Variants in PCDH11X observed in about 807,000 individuals in gnomAD.
PCDH11X encodes the protein protocadherin-11 X-linked.
In PCDH11X, 18 loss-of-function variants were observed where a neutral mutation model predicts 53.3. The ratio of observed to expected loss-of-function variants is 0.34; its 90% CI spans 0.23 to 0.50. The LOEUF (loss-of-function observed/expected upper bound fraction) is 0.50. Among genes scored for constraint, PCDH11X ranks in the 20% least tolerant of loss-of-function variants. PCDH11X has a pLI of 0.98. For synonymous variants in PCDH11X, 279 were observed against 393.3 expected (o/e 0.71, Z 3.44); for missense variants, 570 against 1,032.4 (o/e 0.55, Z 6.14).
intron 10 of PCDH11X, among the ~76,000 whole-genome samples, chrX:92,530,986 A>AT (rs2074543835): frequency 9.1e-6 from 1 of 109,387 alleles, no homozygotes; most frequent in Non-Finnish European, 1.9e-5. Context: ...AAAAATTACA[A>AT]TTTTTATATT....
At chrX:92,408,561 ATTT>A (rs67798518) in intron 9 of PCDH11X, among the ~76,000 whole-genome samples, 8 of 108,227 alleles carry the variant, frequency 7.4e-5, no homozygotes, top group African/African-American at 2.7e-4. Context: ...AAGAAATAGT[ATTT>A]TTTTTATTTT....
intron 6 of PCDH11X, among the ~76,000 whole-genome samples, chrX:91,937,147 A>G (rs918250935): frequency 1.2e-3 from 128 of 109,770 alleles, no homozygotes; most frequent in African/African-American, 4.1e-3. Context: ...TGCCATATAT[A>G]TAATGAGAAG....
chrX:92,457,137 A>T (rs1754693375), intron 9 of PCDH11X, among the ~76,000 whole-genome samples: 1 of 110,957 alleles, frequency 9.0e-6, no homozygotes, highest in African/African-American at 3.3e-5. Flanking sequence ...AATGGAAAAC[A>T]AATTTTCTAA....
chrX:92,596,456 C>T (rs765254920), intron 10 of PCDH11X, among the ~76,000 whole-genome samples: 1 of 106,353 alleles, frequency 9.4e-6, no homozygotes, highest in South Asian at 4.2e-4. Flanking sequence ...ATTGGAAAAT[C>T]TGTAAGAAAT....
intron 10 of PCDH11X, among the ~76,000 whole-genome samples, chrX:92,543,015 T>C (rs1185070582): frequency 4.5e-5 from 5 of 110,781 alleles, no homozygotes; most frequent in Non-Finnish European, 7.6e-5. Flanking sequence ...ATTTTATCCT[T>C]TACAAAATAT....
chrX:92,470,958 G>T (rs895562245), intron 10 of PCDH11X, among the ~76,000 whole-genome samples: 2 of 109,001 alleles, frequency 1.8e-5, no homozygotes, highest in African/African-American at 6.7e-5. Context: ...TAGCCTCATA[G>T]AATAAGTTTT....
intron 5 of PCDH11X, among the ~76,000 whole-genome samples, chrX:91,853,422 CTT>C (rs2147665375): frequency 9.2e-6 from 1 of 108,289 alleles, no homozygotes; most frequent in African/African-American, 3.4e-5. Context: ...AATTTCAAAT[CTT>C]AACATAAAAA....
At chrX:91,946,591 A>ATATATATATT (rs1555969323) in intron 6 of PCDH11X, among the ~76,000 whole-genome samples, 7 of 90,087 alleles carry the variant, frequency 7.8e-5, no homozygotes, top group African/African-American at 2.9e-4. Flanking sequence ...ATATATATAT[A>ATATATATATT]TATATATAGC....
intron 8 of PCDH11X, among the ~76,000 whole-genome samples, chrX:92,379,144 C>T (rs1036911441): frequency 1.8e-5 from 2 of 112,506 alleles, no homozygotes; most frequent in Non-Finnish European, 3.8e-5. Flanking sequence ...GAGGGCCTCG[C>T]CCTCCCAGGT....
intron 6 of PCDH11X, among the ~76,000 whole-genome samples, chrX:91,926,805 C>A (rs1295437622): frequency 1.8e-5 from 2 of 110,881 alleles, no homozygotes; most frequent in Non-Finnish European, 3.8e-5. Flanking sequence ...AAACAGTTAT[C>A]ATTTCTTTGT....
chrX:92,265,468 T>G (rs1364749343), intron 8 of PCDH11X, among the ~76,000 whole-genome samples: 1 of 111,294 alleles, frequency 9.0e-6, no homozygotes, highest in Admixed American at 9.6e-5. Context: ...TGAAGTTTAT[T>G]ATTTTTTTCA....
At chrX:91,989,574 C>CAA (rs11433718) in intron 6 of PCDH11X, among the ~76,000 whole-genome samples, 41 of 102,688 alleles carry the variant, frequency 4.0e-4, no homozygotes, top group African/African-American at 1.4e-3. Context: ...AAAACAACAA[C>CAA]AAAAAAAAGA....
chrX:91,914,020 C>T (rs1358629091), intron 6 of PCDH11X, among the ~76,000 whole-genome samples: 2 of 111,685 alleles, frequency 1.8e-5, no homozygotes, highest in Admixed American at 9.5e-5. Flanking sequence ...GCCACCTCTA[C>T]CAGAGCAGGT....
chrX:91,813,383 T>A (rs1474339492), intron 4 of PCDH11X, among the ~76,000 whole-genome samples: 1 of 104,965 alleles, frequency 9.5e-6, no homozygotes, highest in Non-Finnish European at 1.9e-5. Context: ...TTTCCCCATG[T>A]GATGCTAATC....
rs774178381 is a variant in PCDH11X, at chrX:91,780,916, T to G, written c.-379+1232T>G. 3.6e-5 allele frequency among the ~76,000 whole-genome samples: 4 copies of G among 112,296 alleles called. No individual in the cohort carries two copies. The South Asian group carries it at 1.5e-3, about 41-fold the overall frequency. On this transcript the variant is annotated intron_variant, in intron 1 of 10. Coordinates refer to ENST00000682573, the MANE Select transcript of PCDH11X (RefSeq NM_032968.5). ...CCTTGCCTCTCCCAGGGAAAGACTT[T>G]TAGAGCTTAACCGAAGATGGGCCCT...
chrX:92,483,766 A>G lies in PCDH11X; in HGVS notation c.3367+15444A>G, dbSNP rs181345562. 2.5e-3 allele frequency among the ~76,000 whole-genome samples: 274 copies of G among 107,470 alleles called. 1 individual carries two copies. The highest frequency in any genetic ancestry group is 8.8e-3 in the African/African-American group (259 of 29,571). 93.3% of individuals were successfully genotyped at this position (107,470 alleles called of 115,157 possible). A position where few individuals can be genotyped will look rare whatever the true frequency, so the allele number is the denominator to read the frequency against. On this transcript the variant is annotated intron_variant, in intron 10 of 10. Transcript: ENST00000682573. The stretch of plus-strand genomic sequence containing the variant: ...TATTTTATTTATAAAATTATGTCCA[A>G]CATTTTGCTAAAGTTCATTATACAA...
At chrX:91,801,943 G>GC (rs1223814827) in intron 1 of PCDH11X, among the ~76,000 whole-genome samples, 1 of 113,073 alleles carries the variant, frequency 8.8e-6, no homozygotes. Context: ...GTACACTGAT[G>GC]CATTATCAAT....
rs766763912 is a variant in PCDH11X at position 91,972,162 on chromosome X, T to A, written c.3033+92889T>A. Among the ~76,000 whole-genome samples, 3 of 103,827 alleles carry A rather than the reference T, an allele frequency of 2.9e-5. No individual in the cohort carries two copies. In the East Asian group the frequency reaches 9.2e-4, roughly 32 times the overall value. The allele number at this position is 103,827 out of a possible 115,157, so 90.2% of individuals were successfully genotyped here. A position where few individuals can be genotyped will look rare whatever the true frequency, so the allele number is the denominator to read the frequency against. The stretch of plus-strand genomic sequence containing the variant: ...ATTCTAACTGGTGTGAGATGGTATC[T>A]CATTGTGGTTTTGATTTGCATTTCT... On this transcript the variant is annotated intron_variant, in intron 6 of 10. Coordinates refer to ENST00000682573, the MANE Select transcript of PCDH11X (RefSeq NM_032968.5).
At chrX:92,523,019 G>C (rs780170837) in intron 10 of PCDH11X, among the ~76,000 whole-genome samples, 19 of 111,495 alleles carry the variant, frequency 1.7e-4, no homozygotes, top group African/African-American at 5.9e-4. Flanking sequence ...TTCAGAGAGT[G>C]AGCTAAATAT....
Sources: allele counts gnomAD v4.1 joint callset (sites outside exome capture counted in the v4.1 genomes callset), GRCh38; gene constraint gnomAD v4.1.1; transcripts MANE v1.5; gene names NCBI Gene and HGNC (gene_info 2026-07-23, HGNC 2026-07-21).